Variants in CCDC187 observed in about 807,000 individuals in gnomAD.
The protein encoded by CCDC187 is coiled-coil domain containing 187, also known as coiled-coil domain-containing protein 187.
CCDC187 carries 32 observed loss-of-function variants against 38.0 expected under a neutral mutation model. The ratio of observed to expected loss-of-function variants is 0.84; its 90% confidence interval spans 0.64 to 1.13. The LOEUF is 1.13. Among genes scored for constraint, CCDC187 ranks in the 50% most tolerant of loss-of-function variants. The pLI is 0.00. For missense variants in CCDC187, 707 were observed against 786.8 expected, an observed-to-expected ratio of 0.90 and a Z score of 1.21; for synonymous variants, 333 against 347.9, an observed-to-expected ratio of 0.96 and a Z score of 0.48.
At chr9:136,300,650 T>G (rs1230952860) in intron 2 of CCDC187, among the ~76,000 whole-genome samples, 5 of 151,200 alleles carry the variant, frequency 3.3e-5, no homozygotes, top group African/African-American at 1.2e-4. Context: ...CAGGCTGGAG[T>G]GCCATGGTGT....
intron 19 of CCDC187, 80 bp downstream of exon 19, chr9:136,262,231 A>G (rs62579903): frequency 0.18 from 149,721 of 824,418 alleles, 12,021 homozygotes; most frequent in East Asian, 0.31. Context: ...TCCACCGGCC[A>G]CCCGGGGCAG....
chr9:136,274,881 ACCTGGGTGTGGCCAT>A lies in CCDC187; in HGVS notation c.3337_3350+1del, dbSNP rs1830901197. ...GTGGCCAGCCCCAGCCCCCGACCTC[ACCTGGGTGTGGCCAT>A]CCCTGTGCTCTGAGAGGCTGTGGTC... On this transcript the variant is annotated splice_donor_variant and coding_sequence_variant, in exon 13 of 26. Coordinates refer to ENST00000638797, the MANE Select transcript of CCDC187 (RefSeq NM_001378188.1). LOFTEE classifies it high-confidence loss of function. The A allele has an allele frequency of 1.3e-5, 2 of 152,218 alleles. No homozygotes were observed. Among genetic ancestry groups the A allele is most frequent in the Non-Finnish European group, 2.9e-5 (2 of 68,098 alleles). 9.4% of individuals were successfully genotyped at this position (152,218 alleles called of 1,614,324 possible).
chr9:136,294,405 C>T (rs1257391900), intron 4 of CCDC187, among the ~76,000 whole-genome samples: 3 of 152,236 alleles, frequency 2.0e-5, no homozygotes, highest in African/African-American at 7.2e-5. Context: ...TGCCAAGGGT[C>T]CCTGGCCCCT....
Position 136,250,466 on chromosome 9 carries a change from C to T in CCDC187, c.*3128G>A, listed in dbSNP as rs1554759143. The stretch of plus-strand genomic sequence containing the variant: ...CGGGGCTTCAGTGGTGGAGATTTAT[C>T]GTCATGCCAGATGCGTGTGTGTGAG... On this transcript the variant is annotated 3_prime_UTR_variant, in exon 26 of 26. Transcript: ENST00000638797. 9.6e-6 allele frequency: 3 copies of T among 313,062 alleles called. No homozygotes were observed. The allele number at this position is 313,062 out of a possible 1,614,324, so 19.4% of individuals were successfully genotyped here.
intron 9 of CCDC187, among the ~76,000 whole-genome samples, chr9:136,284,958 G>A (rs1831139241): frequency 6.6e-6 from 1 of 152,092 alleles, no homozygotes; most frequent in South Asian, 2.1e-4. Flanking sequence ...AGGCGCTGGG[G>A]TAGGGCAGAT....
upstream of CCDC187, among the ~76,000 whole-genome samples, chr9:136,305,936 C>A (rs936585626): frequency 1.3e-5 from 2 of 152,202 alleles, no homozygotes; most frequent in Non-Finnish European, 1.5e-5. Flanking sequence ...AGGAGACACA[C>A]GTCAGCTCCC....
intron 16 of CCDC187, chr9:136,266,814 G>A (rs1428152429): frequency 2.6e-5 from 4 of 152,384 alleles, no homozygotes; most frequent in African/African-American, 9.6e-5. Context: ...TGGGCGTGGT[G>A]GCTCTCGCCT....
rs988778758 is a variant in CCDC187 at position 136,281,574 on chromosome 9, G to A, written c.3017C>T (p.Ala1006Val). The change falls in exon 10 of 26, where the codon GCG (alanine) becomes GTG (valine). Residue 1006 changes from alanine (A) to valine (V), a missense_variant. Ala to Val is a moderately conservative substitution (Grantham distance 64). Coordinates refer to ENST00000638797, the MANE Select transcript of CCDC187 (RefSeq NM_001378188.1). ...TPSVGGADSV[A>V]PCTPRSCGQQ... The stretch of plus-strand genomic sequence containing the variant: ...ACCGCAGCTCCGGGGGGTGCAGGGC[G>A]CCACAGAATCTGCCCCTCCGACCGA... 22 of 398,468 alleles carry A rather than the reference G, an allele frequency of 5.5e-5. No individual in the cohort carries two copies. The highest frequency in any genetic ancestry group is 2.1e-4 in the African/African-American group (10 of 48,612). The allele number at this position is 398,468 out of a possible 1,614,324, so 24.7% of individuals were successfully genotyped here. A position where few individuals can be genotyped will look rare whatever the true frequency, so the allele number is the denominator to read the frequency against.
At chr9:136,281,195 G>A (rs1163401916) in intron 10 of CCDC187, 14 of 380,124 alleles carry the variant, frequency 3.7e-5, no homozygotes, top group Non-Finnish European at 5.6e-5. Context: ...TGGAAACCCC[G>A]GATGAAAACA....
In CCDC187 at chr9:136,267,482, C is replaced by G. The variant is rs1172429612; in HGVS notation, c.3549G>C (p.Glu1183Asp). The G allele has an allele frequency of 1.0e-6, 1 of 985,578 alleles. No homozygotes were observed. The highest frequency in any genetic ancestry group is 1.2e-6 in the Non-Finnish European group (1 of 830,126). 61.1% of individuals were successfully genotyped at this position (985,578 alleles called of 1,614,324 possible). A position where few individuals can be genotyped will look rare whatever the true frequency, so the allele number is the denominator to read the frequency against. The change falls in exon 16 of 26, where the codon GAG (glutamate) becomes GAC (aspartate). Residue 1183 changes from glutamate to aspartate, a missense_variant. Transcript: ENST00000638797. ...GCGCGGCCTGGTGCTGTGCTCGCAG[C>G]TCCTCCTCCCGCAGGCTCCGCTCCA... ...QMLERSLREE[E>D]LRAQHQAALL...
chr9:136,280,562 C>T (rs1588661428), intron 10 of CCDC187, among the ~76,000 whole-genome samples: 1 of 152,212 alleles, frequency 6.6e-6, no homozygotes, highest in South Asian at 2.1e-4. Context: ...CCACAGAGAA[C>T]AGCTTCCCTG....
intron 10 of CCDC187, chr9:136,281,088 G>T: frequency 3.9e-6 from 1 of 254,836 alleles, no homozygotes; most frequent in South Asian, 1.7e-4. Context: ...CAGCCAGGAG[G>T]GTCCTACAGC....
chr9:136,260,382 CAGGG>C, intron 19 of CCDC187, 118 bp from the exon 20 acceptor site: 1 of 767,540 alleles, frequency 1.3e-6, no homozygotes, highest in Non-Finnish European at 1.6e-6. Context: ...ATGTCACATC[CAGGG>C]ATGGCTGTGG....
upstream of CCDC187, among the ~76,000 whole-genome samples, chr9:136,306,563 A>G (rs889364421): frequency 2.6e-5 from 4 of 152,184 alleles, no homozygotes; most frequent in Non-Finnish European, 5.9e-5. Context: ...TCTCAGGGCA[A>G]TCCCACCAGA....
intron 12 of CCDC187, among the ~76,000 whole-genome samples, chr9:136,275,504 A>G (rs1830914877): frequency 1.3e-5 from 2 of 152,064 alleles, no homozygotes; most frequent in Non-Finnish European, 2.9e-5. Flanking sequence ...GTGCACGCAC[A>G]TACTTCCATC....
chr9:136,269,175 G>A (rs1830799114), intron 14 of CCDC187, among the ~76,000 whole-genome samples: 1 of 152,200 alleles, frequency 6.6e-6, no homozygotes, highest in East Asian at 1.9e-4. Flanking sequence ...AGTCAGGCTG[G>A]AGGACCTTAG....
rs958501710 is a variant in CCDC187 at position 136,294,873 on chromosome 9, G to C, written c.833-2578C>G. ...CTGTCTAGGACAGGACCCCAAGGTA[G>C]AGGAAGGTTTAGGGCGTGGTCTCAG... On this transcript the variant is annotated intron_variant, in intron 4 of 25. Transcript: ENST00000638797. Among the ~76,000 whole-genome samples, 31 of 152,334 alleles carry C rather than the reference G, an allele frequency of 2.0e-4. No individual in the cohort carries two copies. The East Asian group carries it at 2.7e-3, about 13-fold the overall frequency.
At position 136,292,599 on chromosome 9, in the gene CCDC187, G is replaced by A. The variant is rs1178558877; in HGVS notation, c.833-304C>T. ...CGTGGACAACAGGACCTGCCCCACA[G>A]CTCTGCCGGTGAAGCTCTCAGCACA... is the stretch of plus-strand genomic sequence containing the variant. On this transcript the variant is annotated intron_variant, in intron 4 of 25. Transcript: ENST00000638797. 2.6e-5 allele frequency among the ~76,000 whole-genome samples: 4 copies of A among 152,320 alleles called. No homozygotes were observed. In the South Asian group the frequency reaches 8.3e-4, roughly 32 times the overall value.
chr9:136,268,740 TA>T (rs1830790696), intron 14 of CCDC187, among the ~76,000 whole-genome samples: 1 of 152,142 alleles, frequency 6.6e-6, no homozygotes, highest in South Asian at 2.1e-4. Context: ...TATACATATA[TA>T]TATATTTTTT....
Sources: allele counts gnomAD v4.1 joint callset (sites outside exome capture counted in the v4.1 genomes callset), GRCh38; gene constraint gnomAD v4.1.1; transcripts MANE v1.5; gene names NCBI Gene and HGNC (gene_info 2026-07-23, HGNC 2026-07-21).